C6: variants seen among roughly 807,000 people sequenced by gnomAD.
C6 encodes complement component C6.
Under a neutral mutation model 112.9 loss-of-function variants are expected in C6, and 101 were observed. That is an observed-to-expected ratio of 0.89 (90% CI 0.76 to 1.06). C6 has a LOEUF of 1.06. C6 is among the 50% of genes least tolerant of loss of function. The probability of loss-of-function intolerance (pLI) is 0.00; values close to 1 mark genes in which losing one functional copy is unlikely to be tolerated. For missense variants in C6, 1,202 were observed against 1,104.6 expected, an observed-to-expected ratio of 1.09 and a Z score of -1.25; for synonymous variants, 431 against 384.1, an observed-to-expected ratio of 1.12 and a Z score of -1.43.
intron 5 of C6, 74 bp from the exon 6 acceptor site, chr5:41,186,282 G>C (rs1433326900): frequency 1.3e-6 from 2 of 1,523,960 alleles, no homozygotes; most frequent in African/African-American, 1.4e-5. Context: ...TTATATGAAA[G>C]GAATTCCTCT....
chr5:41,248,456 G>C (rs1741151437), intron 1 of C6, among the ~76,000 whole-genome samples: 1 of 152,140 alleles, frequency 6.6e-6, no homozygotes. Flanking sequence ...GAATCCATTA[G>C]GAACTTAAAC....
At chr5:41,198,384 C>A (rs1324950613) in intron 4 of C6, among the ~76,000 whole-genome samples, 1 of 152,068 alleles carries the variant, frequency 6.6e-6, no homozygotes, top group Admixed American at 6.6e-5. Flanking sequence ...TATTTAACAA[C>A]CAAAAGGCTA....
At chr5:41,151,310 G>T (rs1023215760) in intron 15 of C6, among the ~76,000 whole-genome samples, 2 of 152,162 alleles carry the variant, frequency 1.3e-5, no homozygotes, top group African/African-American at 4.8e-5. Context: ...GACACAGCTA[G>T]CAGGTAAAAC....
intron 1 of C6, among the ~76,000 whole-genome samples, chr5:41,232,263 C>T (rs374112331): frequency 2.6e-5 from 4 of 152,132 alleles, no homozygotes; most frequent in South Asian, 4.1e-4. Context: ...GAGTTGTGGC[C>T]GTCTTAGTAG....
intron 1 of C6, among the ~76,000 whole-genome samples, chr5:41,257,396 C>T (rs1419974307): frequency 6.6e-6 from 1 of 151,812 alleles, no homozygotes; most frequent in Admixed American, 6.6e-5. Flanking sequence ...ATATGTATAC[C>T]ACATTTTCTT....
At position 41,196,661 on chromosome 5, in the gene C6, ATC is replaced by A. The variant is rs1339586337; in HGVS notation, c.446-730_446-729del. 6.6e-5 allele frequency among the ~76,000 whole-genome samples: 10 copies of A among 151,210 alleles called. No individual in the cohort carries two copies. The East Asian group carries it at 1.7e-3, about 26-fold the overall frequency. On this transcript the variant is annotated intron_variant, in intron 4 of 17. Transcript: ENST00000337836. ...ATTAAATATATTAAATATATCTACT[ATC>A]TATTTTACTATATATAATTACTGTA...
intron 1 of C6, among the ~76,000 whole-genome samples, chr5:41,239,927 T>C (rs186816187): frequency 2.0e-5 from 3 of 152,248 alleles, no homozygotes; most frequent in Admixed American, 2.0e-4. Flanking sequence ...GTATATATCA[T>C]CCCATTCTCT....
At chr5:41,229,133 C>T (rs985663583) in intron 1 of C6, among the ~76,000 whole-genome samples, 4 of 151,934 alleles carry the variant, frequency 2.6e-5, no homozygotes, top group Non-Finnish European at 5.9e-5. Flanking sequence ...AGAAAATCAA[C>T]TCTTAATTTT....
At chr5:41,201,099 A>G (rs1281518074) in intron 3 of C6, among the ~76,000 whole-genome samples, 1 of 152,088 alleles carries the variant, frequency 6.6e-6, no homozygotes, top group African/African-American at 2.4e-5. Flanking sequence ...GGCTATATGT[A>G]TAAGGTATAT....
chr5:41,167,470 G>A (rs1748079224), intron 9 of C6, among the ~76,000 whole-genome samples: 1 of 152,092 alleles, frequency 6.6e-6, no homozygotes, highest in Non-Finnish European at 1.5e-5. Context: ...CTAAAATATA[G>A]ACTTGATGGA....
At chr5:41,150,913 G>A (rs140569360) in intron 15 of C6, among the ~76,000 whole-genome samples, 6 of 151,504 alleles carry the variant, frequency 4.0e-5, no homozygotes, top group Non-Finnish European at 7.4e-5. Flanking sequence ...CAGGCAGCAT[G>A]TGAGTTTCCT....
chr5:41,235,021 A>G (rs1401612175), intron 1 of C6, among the ~76,000 whole-genome samples: 1 of 149,712 alleles, frequency 6.7e-6, no homozygotes, highest in African/African-American at 2.5e-5. Flanking sequence ...AAAAATGAGG[A>G]TAATATTTTT....
intron 1 of C6, among the ~76,000 whole-genome samples, chr5:41,257,550 G>A (rs1448031994): frequency 6.6e-6 from 1 of 152,112 alleles, no homozygotes; most frequent in Non-Finnish European, 1.5e-5. Context: ...TAGGACTGCT[G>A]GGTTGAATGG....
chr5:41,151,042 T>C (rs1580040954), intron 15 of C6, among the ~76,000 whole-genome samples: 1 of 152,060 alleles, frequency 6.6e-6, no homozygotes, highest in Middle Eastern at 3.2e-3. Context: ...CTTTGAAGGG[T>C]TTTGTCTTCA....
At chr5:41,178,907 A>G (rs1446988399) in intron 7 of C6, among the ~76,000 whole-genome samples, 1 of 150,190 alleles carries the variant, frequency 6.7e-6, no homozygotes, top group African/African-American at 2.4e-5. Flanking sequence ...AGGCTGGAGT[A>G]CAGTGGTGCG....
intron 13 of C6, among the ~76,000 whole-genome samples, chr5:41,158,028 T>G (rs1747083695): frequency 6.6e-6 from 1 of 152,156 alleles, no homozygotes; most frequent in Admixed American, 6.6e-5. Flanking sequence ...AAGATTAATG[T>G]AAAGATATTA....
chr5:41,253,485 A>C (rs1741491290), intron 1 of C6, among the ~76,000 whole-genome samples: 1 of 151,852 alleles, frequency 6.6e-6, no homozygotes, highest in Admixed American at 6.6e-5. Context: ...ACTCTGGGAG[A>C]CTCCCAGGCT....
intron 5 of C6, among the ~76,000 whole-genome samples, chr5:41,189,544 T>A (rs1330954989): frequency 3.3e-5 from 5 of 152,076 alleles, no homozygotes; most frequent in African/African-American, 1.2e-4. Context: ...GGGTACGTAG[T>A]GATGTTTAGA....
At chr5:41,213,274 T>C (rs928543488) in intron 1 of C6, 102 bp downstream of exon 1, 5 of 330,154 alleles carry the variant, frequency 1.5e-5, no homozygotes, top group African/African-American at 6.7e-5. Context: ...ATGGTTATAG[T>C]CTGAGTTACA....
Sources: allele counts gnomAD v4.1 joint callset (sites outside exome capture counted in the v4.1 genomes callset), GRCh38; gene constraint gnomAD v4.1.1; transcripts MANE v1.5; gene names NCBI Gene and HGNC (gene_info 2026-07-23, HGNC 2026-07-21).